Variants in ABR observed in about 807,000 individuals in gnomAD.
ABR encodes active breakpoint cluster region-related protein.
ABR carries 35 observed loss-of-function variants against 107.2 expected under a neutral mutation model. That is an observed-to-expected ratio of 0.33 (90% confidence interval 0.25 to 0.43). The LOEUF (loss-of-function observed/expected upper bound fraction) is 0.43, where lower values mean the gene tolerates loss of function less well. Among genes scored for constraint, ABR ranks in the 20% least tolerant of loss-of-function variants. The pLI is 1.00. For missense variants in ABR, 815 were observed against 1,115.2 expected (o/e 0.73, Z 3.83); for synonymous variants, 498 against 462.0 (o/e 1.08, Z -1.00).
At chr17:1,114,145 G>C (rs2038868606) in intron 2 of ABR, among the ~76,000 whole-genome samples, 2 of 138,068 alleles carry the variant, frequency 1.4e-5, no homozygotes, top group South Asian at 4.7e-4. Flanking sequence ...GTTCCAGACT[G>C]GGCCACAGAG....
chr17:1,057,831 C>G, intron 12 of ABR, 139 bp downstream of exon 12: 1 of 719,834 alleles, frequency 1.4e-6, no homozygotes, highest in South Asian at 1.6e-5. Flanking sequence ...CCGTAACATC[C>G]TTAAACGCTC....
intron 5 of ABR, among the ~76,000 whole-genome samples, chr17:1,082,616 T>C (rs1446973251): frequency 1.3e-5 from 2 of 152,190 alleles, no homozygotes; most frequent in Non-Finnish European, 2.9e-5. Flanking sequence ...ACCCTTTTTG[T>C]GTTTATGGGA....
chr17:1,130,024 T>C (rs2039756919), intron 1 of ABR, among the ~76,000 whole-genome samples: 2 of 152,154 alleles, frequency 1.3e-5, no homozygotes, highest in South Asian at 4.1e-4. Context: ...TGGACAGCTG[T>C]GTGATAAAGC....
rs2151528386 is a variant in ABR at position 1,150,540 on chromosome 17, G to A, written c.62-25173C>T. ...TTGCCCAAGCGCCGAGAGAGGCCCA[G>A]GAGGACGGGCCCCGGGCATGGCAAG... On this transcript the variant is annotated intron_variant, in intron 1 of 22. Coordinates refer to ENST00000302538, the MANE Select transcript of ABR (RefSeq NM_021962.5). This position sits in a 1 kb window ranked among gnomAD's most constrained non-coding sequence, Gnocchi z 4.8. 6.6e-6 allele frequency among the ~76,000 whole-genome samples: 1 copy of A among 152,296 alleles called. No homozygotes were observed. The highest frequency in any genetic ancestry group is 2.4e-5 in the African/African-American group (1 of 41,564).
chr17:1,127,257 C>T (rs954869642), intron 1 of ABR, among the ~76,000 whole-genome samples: 3 of 151,116 alleles, frequency 2.0e-5, no homozygotes, highest in African/African-American at 4.9e-5. Context: ...GATGAGTGTA[C>T]ACCACACACC....
intron 1 of ABR, among the ~76,000 whole-genome samples, chr17:1,166,711 G>T (rs1340978880): frequency 6.6e-6 from 1 of 152,188 alleles, no homozygotes; most frequent in Non-Finnish European, 1.5e-5. Context: ...TAGAAATGCA[G>T]AATCCAGGCC....
intron 6 of ABR, among the ~76,000 whole-genome samples, chr17:1,075,311 G>A (rs1175341769): frequency 6.6e-6 from 1 of 152,268 alleles, no homozygotes; most frequent in East Asian, 1.9e-4. Flanking sequence ...GACAGAGGCA[G>A]GTTGGTCATC....
At chr17:1,026,056 G>C (rs551815299) in intron 16 of ABR, among the ~76,000 whole-genome samples, 1 of 152,250 alleles carries the variant, frequency 6.6e-6, no homozygotes, top group South Asian at 2.1e-4. Context: ...CCCTGTGACA[G>C]ACTCTCCCAG....
chr17:1,182,590 T>A (rs943722849), upstream of ABR, among the ~76,000 whole-genome samples: 1 of 152,078 alleles, frequency 6.6e-6, no homozygotes, highest in African/African-American at 2.4e-5. Context: ...ATGATCTTGA[T>A]CTCCTGACCT....
chr17:1,121,329 G>A (rs973408170), intron 2 of ABR, among the ~76,000 whole-genome samples: 15 of 152,384 alleles, frequency 9.8e-5, no homozygotes, highest in South Asian at 4.1e-4. Context: ...AAGCAGGTTC[G>A]GTCATGGTGC....
In ABR at chr17:1,007,278, G is replaced by A. The variant is rs2070119918; in HGVS notation, c.2377C>T (p.Leu793Phe). ...AEKEPINKMS[L>F]HNLATVFGPT... Reference sequence around the variant, plus strand: ...CCAAACACGGTAGCCAGGTTGTGAAGTGACATTTTGTTGATGGGCTCCTTC... The same window carrying A: ...CCAAACACGGTAGCCAGGTTGTGAAATGACATTTTGTTGATGGGCTCCTTC... The change falls in exon 22 of 23, where the codon CTT becomes TTT. Residue 793 changes from leucine to phenylalanine, a missense_variant. Transcript: ENST00000302538. 3 of 1,614,172 alleles carry A rather than the reference G, an allele frequency of 1.9e-6. No homozygotes were observed. The highest frequency in any genetic ancestry group is 4.5e-5 in the East Asian group (2 of 44,882).
At chr17:1,136,162 C>T (rs998382020) in intron 1 of ABR, among the ~76,000 whole-genome samples, 2 of 152,158 alleles carry the variant, frequency 1.3e-5, no homozygotes, top group African/African-American at 4.8e-5. Context: ...CTACATATGT[C>T]TTCTTCCAAT....
At chr17:1,161,909 C>A (rs1306939673) in intron 1 of ABR, among the ~76,000 whole-genome samples, 1 of 152,140 alleles carries the variant, frequency 6.6e-6, no homozygotes, top group African/African-American at 2.4e-5. Flanking sequence ...CCTCTCCCAC[C>A]CGCTACACCA....
In ABR at chr17:1,157,959, T is replaced by C. The variant is rs2041113624; in HGVS notation, c.61+21708A>G. Among the ~76,000 whole-genome samples, 1 of 152,248 alleles carries C rather than the reference T, an allele frequency of 6.6e-6. No individual in the cohort carries two copies. The highest frequency in any genetic ancestry group is 1.5e-5 in the Non-Finnish European group (1 of 68,042). On this transcript the variant is annotated intron_variant, in intron 1 of 22. Transcript: ENST00000302538. This position sits in a 1 kb window ranked among gnomAD's most constrained non-coding sequence, Gnocchi z 4.7. ...CAGGTATTACTTTATGAGGCTCATTTCAAGCGTGCATGGGTATATGTGTGT... is the reference window on the plus strand; with the variant it reads ...CAGGTATTACTTTATGAGGCTCATTCCAAGCGTGCATGGGTATATGTGTGT...
chr17:1,224,120 G>C (rs919960077), intron 1 of ABR, among the ~76,000 whole-genome samples: 7 of 152,104 alleles, frequency 4.6e-5, no homozygotes, highest in African/African-American at 1.7e-4. Flanking sequence ...TCAGTGGCTG[G>C]CCGGTGGTCT....
Position 1,011,344 on chromosome 17 carries a change from T to C in ABR, c.2102-481A>G, listed in dbSNP as rs552642292. ...GGCTCCCCACGGATTCATCCCTGCC[T>C]GGCCAGTGCAGGTTTCTTGACAGTG... On this transcript the variant is annotated intron_variant, in intron 19 of 22. Transcript: ENST00000302538. The surrounding 1 kb of genome is among the most constrained non-coding windows in gnomAD (Gnocchi z 4.8). 164 of 180,984 alleles carry C rather than the reference T, an allele frequency of 9.1e-4. 2 individuals are homozygous for C. Among genetic ancestry groups the C allele is most frequent in the Non-Finnish European group, 1.7e-3 (141 of 85,192 alleles). 11.2% of individuals were successfully genotyped at this position (180,984 alleles called of 1,614,324 possible).
In ABR at chr17:1,086,003, G is replaced by A. The variant is rs562358261; in HGVS notation, c.532-2376C>T. On this transcript the variant is annotated intron_variant, in intron 4 of 22. Coordinates refer to ENST00000302538, the MANE Select transcript of ABR (RefSeq NM_021962.5). The stretch of plus-strand genomic sequence containing the variant: ...CTCCACTAAAGATACAAAATTATCC[G>A]GGCGTGGTGGCACGCATCTGTAGTC... Among the ~76,000 whole-genome samples the A allele has an allele frequency of 6.6e-5, 10 of 152,074 alleles. No homozygotes were observed. In the South Asian group the frequency reaches 8.3e-4, roughly 13 times the overall value.
At chr17:1,186,096 C>G (rs1009808901) in intron 1 of ABR, among the ~76,000 whole-genome samples, 1 of 152,230 alleles carries the variant, frequency 6.6e-6, no homozygotes, top group Non-Finnish European at 1.5e-5. Context: ...CTCCACCTCC[C>G]AAAGTGCTGG....
At chr17:1,175,651 T>TA (rs1263459513) in intron 1 of ABR, among the ~76,000 whole-genome samples, 3 of 152,166 alleles carry the variant, frequency 2.0e-5, no homozygotes, top group African/African-American at 7.2e-5. Flanking sequence ...AAATCACACT[T>TA]ACCGCAGCCC....
Sources: allele counts gnomAD v4.1 joint callset (sites outside exome capture counted in the v4.1 genomes callset), GRCh38; gene constraint gnomAD v4.1.1; non-coding constraint Gnocchi (gnomAD v3.1); transcripts MANE v1.5; gene names NCBI Gene and HGNC (gene_info 2026-07-23, HGNC 2026-07-21).